Variants in OSBPL1A observed in about 807,000 individuals in gnomAD.
OSBPL1A encodes oxysterol binding protein like 1A.
OSBPL1A carries 80 observed loss-of-function variants against 137.1 expected under a neutral mutation model. The observed-to-expected ratio is 0.58, with a 90% confidence interval of 0.49 to 0.70. The LOEUF is 0.70. Ranked by LOEUF, OSBPL1A falls within the 30% of genes least tolerant of loss-of-function variation. The probability of loss-of-function intolerance (pLI) is 0.00; values close to 1 mark genes in which losing one functional copy is unlikely to be tolerated. For synonymous variants in OSBPL1A, 365 were observed against 389.7 expected, an observed-to-expected ratio of 0.94 and a Z score of 0.75; for missense variants, 970 against 1,129.4, an observed-to-expected ratio of 0.86 and a Z score of 2.02.
chr18:24,370,365 G>A (rs1905527477), intron 2 of OSBPL1A, among the ~76,000 whole-genome samples: 1 of 152,148 alleles, frequency 6.6e-6, no homozygotes, highest in South Asian at 2.1e-4. Context: ...CCAGTGGCCT[G>A]CCCCTCACCA....
chr18:24,243,118 G>A (rs1271363656), intron 15 of OSBPL1A, among the ~76,000 whole-genome samples: 1 of 152,064 alleles, frequency 6.6e-6, no homozygotes, highest in African/African-American at 2.4e-5. Context: ...AATCTCAACT[G>A]CAGAAGGCTG....
chr18:24,236,530 C>A (rs1468144964), intron 16 of OSBPL1A, among the ~76,000 whole-genome samples: 3 of 152,176 alleles, frequency 2.0e-5, no homozygotes, highest in African/African-American at 7.2e-5. Context: ...GCAGTTTCTA[C>A]ACTGTGCCAA....
chr18:24,246,178 C>T (rs905948907), intron 15 of OSBPL1A, among the ~76,000 whole-genome samples: 4 of 152,124 alleles, frequency 2.6e-5, no homozygotes, highest in Non-Finnish European at 4.4e-5. Flanking sequence ...CACCACTGCA[C>T]TCCAGCCTGG....
At chr18:24,323,413 A>AGGTAGAGGTTGCAGTGAGC (rs1568027533) in intron 7 of OSBPL1A, among the ~76,000 whole-genome samples, 1 of 30,590 alleles carries the variant, frequency 3.3e-5, no homozygotes, top group African/African-American at 2.6e-4. Flanking sequence ...ATTAGCAGAG[A>AGGTAGAGGTTGCAGTGAGC]CGGGGTTTCA....
intron 26 of OSBPL1A, 44 bp downstream of exon 26, chr18:24,166,535 C>G: frequency 6.3e-7 from 1 of 1,576,990 alleles, no homozygotes; most frequent in Non-Finnish European, 8.6e-7. Context: ...CATCATCCCC[C>G]GAGAAATGAG....
intron 14 of OSBPL1A, among the ~76,000 whole-genome samples, chr18:24,289,382 T>C (rs1453844030): frequency 1.3e-5 from 2 of 151,940 alleles, no homozygotes; most frequent in South Asian, 4.2e-4. Flanking sequence ...CACTGAATTT[T>C]TGATATTCAT....
intron 15 of OSBPL1A, among the ~76,000 whole-genome samples, chr18:24,244,124 A>G (rs1050425884): frequency 6.6e-6 from 1 of 152,192 alleles, no homozygotes; most frequent in Non-Finnish European, 1.5e-5. Context: ...TTACTTTTGA[A>G]CTGTTTCCAA....
chr18:24,225,036 TCCTA>T lies in OSBPL1A; in HGVS notation c.1601+2_1601+5del. 1 of 1,614,082 alleles carries T rather than the reference TCCTA, an allele frequency of 6.2e-7. No homozygotes were observed. Among genetic ancestry groups the T allele is most frequent in the Admixed American group, 1.7e-5 (1 of 60,020 alleles). ...CAGCAGTGACAACTGTCAGAGGCGA[TCCTA>T]CCTGTGTTTCTTGATGCCATTGGAG... On this transcript the variant is annotated splice_donor_variant and splice_donor_5th_base_variant and intron_variant, in intron 17 of 27. Coordinates refer to ENST00000319481, the MANE Select transcript of OSBPL1A (RefSeq NM_080597.4). LOFTEE classifies it high-confidence loss of function.
chr18:24,233,629 T>C (rs1567963946), intron 16 of OSBPL1A, among the ~76,000 whole-genome samples: 2 of 152,160 alleles, frequency 1.3e-5, no homozygotes, highest in Non-Finnish European at 2.9e-5. Flanking sequence ...TTTTCTTTCT[T>C]TCTTTCTCTC....
chr18:24,235,612 T>C (rs1229894388), intron 16 of OSBPL1A, among the ~76,000 whole-genome samples: 1 of 152,194 alleles, frequency 6.6e-6, no homozygotes, highest in Non-Finnish European at 1.5e-5. Flanking sequence ...AGAGGTGCCA[T>C]TTACAAAAAT....
intron 21 of OSBPL1A, among the ~76,000 whole-genome samples, chr18:24,177,443 C>G (rs1372155354): frequency 1.3e-5 from 2 of 152,104 alleles, no homozygotes; most frequent in African/African-American, 4.8e-5. Flanking sequence ...ATTTCTCTCC[C>G]CAGTCTGCCT....
At chr18:24,354,748 CAAAAAAAA>C (rs59694707) in intron 4 of OSBPL1A, among the ~76,000 whole-genome samples, 217 of 77,090 alleles carry the variant, frequency 2.8e-3, no homozygotes, top group Admixed American at 0.011. Flanking sequence ...CTCAATATAG[CAAAAAAAA>C]AAAAAAAAAA....
At chr18:24,385,238 G>C (rs185918516) in intron 1 of OSBPL1A, among the ~76,000 whole-genome samples, 2 of 152,074 alleles carry the variant, frequency 1.3e-5, no homozygotes, top group Admixed American at 6.6e-5. Flanking sequence ...ACAGGCATGA[G>C]CCACCGCACC....
intron 4 of OSBPL1A, among the ~76,000 whole-genome samples, chr18:24,343,940 C>CA (rs1203524400): frequency 2.0e-5 from 3 of 151,628 alleles, no homozygotes; most frequent in Non-Finnish European, 4.4e-5. Context: ...AAAGCACAGG[C>CA]AAAAAATGAA....
rs115458624 is a variant in OSBPL1A, at chr18:24,338,423, G to A, written c.394+3124C>T. ...AAGACAAGATGTAGAAGAAGGCTGC[G>A]TTAGTAATAGTGCCTAACAATAGTC... On this transcript the variant is annotated intron_variant, in intron 5 of 27. Transcript: ENST00000319481. Among the ~76,000 whole-genome samples the A allele has an allele frequency of 4.3e-3, 658 of 152,112 alleles. 7 individuals carry two copies. The highest frequency in any genetic ancestry group is 0.015 in the African/African-American group (632 of 41,496).
chr18:24,235,811 A>G (rs76627465), intron 16 of OSBPL1A, among the ~76,000 whole-genome samples: 3,684 of 152,284 alleles, frequency 0.024, 141 homozygotes, highest in African/African-American at 0.083. Flanking sequence ...GAACCTGTGA[A>G]TATGTTACCT....
chr18:24,269,851 AACACACACACAC>A (rs147895357), intron 15 of OSBPL1A, among the ~76,000 whole-genome samples: 1 of 139,988 alleles, frequency 7.1e-6, no homozygotes, highest in Non-Finnish European at 1.5e-5. Flanking sequence ...TGACAAGCCT[AACACACACACAC>A]ACACACACAC....
At chr18:24,384,744 CCT>C (rs1374200822) in intron 1 of OSBPL1A, among the ~76,000 whole-genome samples, 1 of 151,646 alleles carries the variant, frequency 6.6e-6, no homozygotes, top group Non-Finnish European at 1.5e-5. Flanking sequence ...GTGGTGGGCC[CCT>C]GTAATCCCAG....
chr18:24,169,612 C>T (rs1284233860), intron 24 of OSBPL1A, among the ~76,000 whole-genome samples: 2 of 152,242 alleles, frequency 1.3e-5, no homozygotes, highest in Non-Finnish European at 2.9e-5. Flanking sequence ...TACTGCTCAT[C>T]ACCGGTGGGG....
Sources: gnomAD v4.1 joint callset for allele counts (sites outside exome capture counted in the v4.1 genomes callset) on GRCh38, gnomAD v4.1.1 for gene constraint, MANE v1.5 for transcripts, NCBI Gene and HGNC (gene_info 2026-07-23, HGNC 2026-07-21) for gene names.